Variants in FGF9 observed in about 807,000 individuals in gnomAD.
FGF9 encodes the protein fibroblast growth factor 9, also known as fibroblast growth factor 9 (glia-activating factor).
Under a neutral mutation model 19.9 loss-of-function variants are expected in FGF9, and 3 were observed. The observed-to-expected ratio is 0.15, with a 90% CI of 0.07 to 0.39. The LOEUF (loss-of-function observed/expected upper bound fraction) is 0.39. Ranked by LOEUF, FGF9 falls within the 10% of genes least tolerant of loss-of-function variation. FGF9 has a pLI of 1.00. For missense variants in FGF9, 175 were observed against 256.8 expected, an observed-to-expected ratio of 0.68 and a Z score of 2.18; for synonymous variants, 107 against 106.9, an observed-to-expected ratio of 1.00 and a Z score of -0.01.
At position 21,701,160 on chromosome 13, in the gene FGF9, C is replaced by T. The variant is rs778392064; in HGVS notation, c.382-30C>T. 11 of 1,601,736 alleles carry T rather than the reference C, an allele frequency of 6.9e-6. No homozygotes were observed. In the Admixed American group the frequency reaches 8.4e-5, roughly 12 times the overall value. On this transcript the variant is annotated intron_variant, in intron 2 of 2. Coordinates refer to ENST00000382353, the MANE Select transcript of FGF9 (RefSeq NM_002010.3). ...GCCCAGCATGCATTAGCTATTTTTC[C>T]TAATGCTCTCCCTCTTTTTCTTTTT...
rs1179437524 is a variant in FGF9 at position 21,703,472 on chromosome 13, T to A, written c.*2037T>A. The A allele has an allele frequency of 6.6e-6, 1 of 152,232 alleles. No individual in the cohort carries two copies. The highest frequency in any genetic ancestry group is 1.5e-5 in the Non-Finnish European group (1 of 68,034). 9.4% of individuals were successfully genotyped at this position (152,232 alleles called of 1,614,324 possible). On this transcript the variant is annotated 3_prime_UTR_variant, in exon 3 of 3. Coordinates refer to ENST00000382353, the MANE Select transcript of FGF9 (RefSeq NM_002010.3). The stretch of plus-strand genomic sequence containing the variant: ...CAGAAGCAATGTAAAATAGTTGATT[T>A]ATGATAAAGCTCAGAATGTCCTCTT...
chr13:21,697,869 C>T (rs9509840), intron 2 of FGF9, among the ~76,000 whole-genome samples: 129,421 of 150,826 alleles, frequency 0.86, 55,699 homozygotes, highest in East Asian at 1. Flanking sequence ...TGCAGTGGCA[C>T]GGTCTTGGCT....
chr13:21,674,428 G>C (rs140788843), intron 1 of FGF9, among the ~76,000 whole-genome samples: 1 of 151,978 alleles, frequency 6.6e-6, no homozygotes, highest in Non-Finnish European at 1.5e-5. Context: ...CGAGAGCAGA[G>C]CTCGCGAGCT....
intron 2 of FGF9, among the ~76,000 whole-genome samples, chr13:21,690,130 C>G (rs1872252023): frequency 6.6e-6 from 1 of 152,206 alleles, no homozygotes; most frequent in South Asian, 2.1e-4. Context: ...CAGCCTGATT[C>G]AGAATAGGGC....
intron 2 of FGF9, among the ~76,000 whole-genome samples, chr13:21,698,708 C>T (rs1447712005): frequency 2.0e-5 from 3 of 152,126 alleles, no homozygotes; most frequent in Non-Finnish European, 4.4e-5. Flanking sequence ...AAGCTAGCAC[C>T]TCACTCATGG....
Position 21,672,121 on chromosome 13 carries a change from C to G in FGF9, c.209C>G (p.Thr70Ser), listed in dbSNP as rs1258794930. The G allele has an allele frequency of 6.2e-7, 1 of 1,614,084 alleles. No homozygotes were observed. Among genetic ancestry groups the G allele is most frequent in the Non-Finnish European group, 8.5e-7 (1 of 1,180,048 alleles). Residue 70 changes from threonine (T) to serine (S), a missense_variant, in exon 1 of 3, where the codon ACT becomes AGT. Physicochemically the swap from Thr to Ser is moderately conservative, Grantham distance 58. This residue lies in a region of FGF9 where 5 missense variants were observed against 22.5 expected (regional missense o/e 0.22). Transcript: ENST00000382353. This position sits in a 1 kb window ranked among gnomAD's most constrained non-coding sequence, Gnocchi z 4.2. ...ILRRRQLYCRTGFHLEIFPNG... is the reference protein window; with the variant it reads ...ILRRRQLYCRSGFHLEIFPNG... Reference sequence around the variant, plus strand: ...AGGCGGAGGCAGCTATACTGCAGGACTGGATTTCACTTAGAAATCTTCCCC... The same window carrying G: ...AGGCGGAGGCAGCTATACTGCAGGAGTGGATTTCACTTAGAAATCTTCCCC...
rs1215487898 is a variant in FGF9, at chr13:21,671,322, A to G, written c.-591A>G. The G allele has an allele frequency of 1.6e-5, 6 of 381,796 alleles. No individual in the cohort carries two copies. The highest frequency in any genetic ancestry group is 2.3e-5 in the Non-Finnish European group (5 of 216,844). The allele number at this position is 381,796 out of a possible 1,614,324, so 23.7% of individuals were successfully genotyped here. ...TTCTTTTTGTTTTATTATTATTATC[A>G]TTTTTTGGAGGGGGGACCGGGAGGG... On this transcript the variant is annotated 5_prime_UTR_variant, in exon 1 of 3. Coordinates refer to ENST00000382353, the MANE Select transcript of FGF9 (RefSeq NM_002010.3).
chr13:21,675,322 G>C (rs532718710), intron 1 of FGF9, among the ~76,000 whole-genome samples: 1 of 152,092 alleles, frequency 6.6e-6, no homozygotes, highest in Non-Finnish European at 1.5e-5. Context: ...GCAGTGCCGC[G>C]GTCTCCCGCT....
At chr13:21,700,027 T>TGC (rs1157529576) in intron 2 of FGF9, among the ~76,000 whole-genome samples, 1 of 151,152 alleles carries the variant, frequency 6.6e-6, no homozygotes, top group Non-Finnish European at 1.5e-5. Context: ...TGTGTGTGTG[T>TGC]GTGTGTGTGT....
intron 2 of FGF9, among the ~76,000 whole-genome samples, chr13:21,684,115 T>C (rs1271492398): frequency 6.6e-6 from 1 of 152,250 alleles, no homozygotes; most frequent in African/African-American, 2.4e-5. Context: ...GAAGCAGGAC[T>C]CTTTATTTAA....
Position 21,691,769 on chromosome 13 carries a change from C to T in FGF9, c.382-9421C>T, listed in dbSNP as rs1565952145. ...CTGACTTGAACTTGGTCAGAAACAT[C>T]ATTTGTCAGCCGGCTGGCCTGGTGT... On this transcript the variant is annotated intron_variant, in intron 2 of 2. Transcript: ENST00000382353. The surrounding 1 kb of genome is among the most constrained non-coding windows in gnomAD (Gnocchi z 4.2). Among the ~76,000 whole-genome samples the T allele has an allele frequency of 3.9e-5, 6 of 152,208 alleles. No individual in the cohort carries two copies. The South Asian group carries it at 1.2e-3, about 32-fold the overall frequency.
Position 21,704,217 on chromosome 13 carries a change from A to G in FGF9, c.*2782A>G, listed in dbSNP as rs769128413. ...CTGTCTTGTTGGTGCCAACACTTGC[A>G]CTGTGGTCAAAGACTTACCGAGCAT... On this transcript the variant is annotated 3_prime_UTR_variant, in exon 3 of 3. Transcript: ENST00000382353. 1.3e-4 allele frequency: 20 copies of G among 152,162 alleles called. No individual in the cohort carries two copies. Among genetic ancestry groups the G allele is most frequent in the Non-Finnish European group, 2.5e-4 (17 of 68,048 alleles). 9.4% of individuals were successfully genotyped at this position (152,162 alleles called of 1,614,324 possible).
intron 2 of FGF9, among the ~76,000 whole-genome samples, chr13:21,699,484 T>A (rs1872490150): frequency 1.3e-5 from 2 of 152,126 alleles, no homozygotes; most frequent in Admixed American, 6.5e-5. Flanking sequence ...CCTCATGACC[T>A]CTTGAGTGTG....
intron 1 of FGF9, among the ~76,000 whole-genome samples, chr13:21,678,514 G>A (rs1031646909): frequency 6.6e-6 from 1 of 152,132 alleles, no homozygotes; most frequent in Non-Finnish European, 1.5e-5. Context: ...AAATGCTCAA[G>A]AATTTTTACT....
intron 2 of FGF9, among the ~76,000 whole-genome samples, chr13:21,682,284 T>C (rs1205797501): frequency 1.3e-5 from 2 of 152,102 alleles, no homozygotes; most frequent in Admixed American, 6.6e-5. Context: ...AAGTAACTTA[T>C]CGTTGCAATT....
intron 2 of FGF9, among the ~76,000 whole-genome samples, chr13:21,696,057 T>A (rs1029465996): frequency 6.6e-6 from 1 of 152,250 alleles, no homozygotes; most frequent in African/African-American, 2.4e-5. Context: ...CTTCATTTTT[T>A]AAGTGGGCAT....
chr13:21,674,676 G>A (rs1871863010), intron 1 of FGF9, among the ~76,000 whole-genome samples: 1 of 151,806 alleles, frequency 6.6e-6, no homozygotes, highest in African/African-American at 2.4e-5. Flanking sequence ...TCTAGTTGGC[G>A]CTTCTTCACG....
chr13:21,678,226 T>A (rs1871959039), intron 1 of FGF9, among the ~76,000 whole-genome samples: 1 of 152,188 alleles, frequency 6.6e-6, no homozygotes, highest in Non-Finnish European at 1.5e-5. Context: ...GAGATAGATA[T>A]CTTGATATCT....
intron 2 of FGF9, among the ~76,000 whole-genome samples, chr13:21,690,528 A>G (rs1872262465): frequency 6.6e-6 from 1 of 152,096 alleles, no homozygotes; most frequent in Non-Finnish European, 1.5e-5. Flanking sequence ...TTGATTACCT[A>G]CTAATAATGC....
Sources: allele counts gnomAD v4.1 joint callset (sites outside exome capture counted in the v4.1 genomes callset), GRCh38; gene constraint gnomAD v4.1.1; regional missense constraint gnomAD v4.1.1; non-coding constraint Gnocchi (gnomAD v3.1); transcripts MANE v1.5; gene names NCBI Gene and HGNC (gene_info 2026-07-23, HGNC 2026-07-21).